CACNA2D1: variants seen among roughly 807,000 people sequenced by gnomAD.
CACNA2D1 encodes voltage-dependent calcium channel subunit alpha-2/delta-1.
In CACNA2D1, 53 loss-of-function variants were observed where a neutral mutation model predicts 171.5. The observed-to-expected ratio is 0.31, with a 90% CI of 0.25 to 0.39. CACNA2D1 has a LOEUF of 0.39. CACNA2D1 is among the 10% of genes least tolerant of loss of function. The probability of loss-of-function intolerance (pLI) is 1.00; values close to 1 mark genes in which losing one functional copy is unlikely to be tolerated. For missense variants in CACNA2D1, 903 were observed against 1,299.8 expected, an observed-to-expected ratio of 0.69 and a Z score of 4.69; for synonymous variants, 442 against 443.1, an observed-to-expected ratio of 1.00 and a Z score of 0.03.
At chr7:82,407,429 G>A (rs1055311800) in intron 1 of CACNA2D1, among the ~76,000 whole-genome samples, 7 of 152,068 alleles carry the variant, frequency 4.6e-5, no homozygotes, top group Non-Finnish European at 7.4e-5. Flanking sequence ...GACTACTACT[G>A]TTATTTATTA....
intron 6 of CACNA2D1, among the ~76,000 whole-genome samples, chr7:82,101,474 A>T (rs1812677265): frequency 6.6e-6 from 1 of 152,220 alleles, no homozygotes; most frequent in Non-Finnish European, 1.5e-5. Flanking sequence ...TGAAAATCTA[A>T]AAGTTCCAAA....
intron 12 of CACNA2D1, among the ~76,000 whole-genome samples, chr7:82,025,020 G>T (rs1043693326): frequency 6.6e-6 from 1 of 151,516 alleles, no homozygotes; most frequent in Non-Finnish European, 1.5e-5. Context: ...TTATGCTAGT[G>T]CCCTACTGTT....
chr7:81,972,272 TATAG>T (rs1399257454), intron 25 of CACNA2D1, among the ~76,000 whole-genome samples: 1 of 151,334 alleles, frequency 6.6e-6, no homozygotes, highest in Admixed American at 6.6e-5. Flanking sequence ...AATTTATATA[TATAG>T]AAACAGAACT....
chr7:82,051,664 C>A (rs1459696449), intron 10 of CACNA2D1, among the ~76,000 whole-genome samples: 1 of 152,142 alleles, frequency 6.6e-6, no homozygotes, highest in African/African-American at 2.4e-5. Context: ...ATATTGTCTG[C>A]AATCCATATA....
intron 13 of CACNA2D1, among the ~76,000 whole-genome samples, chr7:82,014,140 A>G (rs1238732210): frequency 6.6e-6 from 1 of 152,148 alleles, no homozygotes; most frequent in Non-Finnish European, 1.5e-5. Flanking sequence ...TATATCTGAT[A>G]TATATCATTC....
chr7:82,311,179 G>C (rs145869356), intron 3 of CACNA2D1, among the ~76,000 whole-genome samples: 30 of 152,064 alleles, frequency 2.0e-4, no homozygotes, highest in Non-Finnish European at 2.9e-5. Flanking sequence ...GTCATTTTAA[G>C]TCTTGTTGTC....
intron 4 of CACNA2D1, among the ~76,000 whole-genome samples, chr7:82,145,569 T>A (rs1038377775): frequency 7.1e-6 from 1 of 141,282 alleles, no homozygotes; most frequent in African/African-American, 2.6e-5. Context: ...ATATATAAAA[T>A]TTTTACATAT....
chr7:82,250,630 A>C (rs998777984), intron 3 of CACNA2D1, among the ~76,000 whole-genome samples: 1 of 152,170 alleles, frequency 6.6e-6, no homozygotes. Flanking sequence ...TAGCTCTCAA[A>C]TTTTAACAAA....
At chr7:82,170,896 A>G (rs922381304) in intron 3 of CACNA2D1, among the ~76,000 whole-genome samples, 1 of 152,072 alleles carries the variant, frequency 6.6e-6, no homozygotes, top group Non-Finnish European at 1.5e-5. Context: ...TCTTTCAATG[A>G]CTAATACTTC....
chr7:82,149,102 A>G (rs1793488986), intron 4 of CACNA2D1, among the ~76,000 whole-genome samples: 1 of 152,182 alleles, frequency 6.6e-6, no homozygotes, highest in Admixed American at 6.5e-5. Context: ...TACTCAGCAC[A>G]GCATAGTGTG....
At chr7:82,285,274 T>C (rs907063744) in intron 3 of CACNA2D1, among the ~76,000 whole-genome samples, 4 of 151,972 alleles carry the variant, frequency 2.6e-5, no homozygotes, top group African/African-American at 9.7e-5. Flanking sequence ...ATAAAACCTG[T>C]TTTGTGGTAA....
intron 3 of CACNA2D1, among the ~76,000 whole-genome samples, chr7:82,265,679 A>G (rs1807752733): frequency 6.6e-6 from 1 of 152,064 alleles, no homozygotes; most frequent in Admixed American, 6.5e-5. Flanking sequence ...CAGAAGTATT[A>G]TTTAGCTGTC....
intron 3 of CACNA2D1, among the ~76,000 whole-genome samples, chr7:82,186,977 C>A (rs1797851286): frequency 6.6e-6 from 1 of 152,178 alleles, no homozygotes; most frequent in Admixed American, 6.5e-5. Context: ...CCATAAGACT[C>A]ATTAGTATTC....
At chr7:82,112,940 AT>A (rs1394602793) in intron 6 of CACNA2D1, among the ~76,000 whole-genome samples, 1 of 152,228 alleles carries the variant, frequency 6.6e-6, no homozygotes, top group East Asian at 1.9e-4. Context: ...AATTACAAAA[AT>A]CAAGCACTTT....
intron 30 of CACNA2D1, 64 bp downstream of exon 30, chr7:81,967,531 TA>T (rs1794838621): frequency 8.2e-6 from 7 of 855,668 alleles, no homozygotes; most frequent in South Asian, 4.4e-5. Flanking sequence ...AAGGACCTTA[TA>T]TTTTTTTCTA....
intron 34 of CACNA2D1, among the ~76,000 whole-genome samples, chr7:81,962,792 C>G (rs1584195503): frequency 6.6e-6 from 1 of 152,002 alleles, no homozygotes; most frequent in South Asian, 2.1e-4. Flanking sequence ...GGGAGAATGT[C>G]TGTTTCAGCG....
At chr7:82,328,695 C>CTCAAAAT (rs1816934552) in intron 3 of CACNA2D1, among the ~76,000 whole-genome samples, 2 of 152,086 alleles carry the variant, frequency 1.3e-5, no homozygotes, top group Admixed American at 6.6e-5. Context: ...ATATGTCCTC[C>CTCAAAAT]AGTCTCAAAA....
intron 3 of CACNA2D1, among the ~76,000 whole-genome samples, chr7:82,192,509 T>A (rs7802929): frequency 0.65 from 82,821 of 126,652 alleles, 26,005 homozygotes; most frequent in East Asian, 0.75. Flanking sequence ...TGTGTGTGTG[T>A]GAATATAGAG....
chr7:82,045,732 T>A (rs1804477340), intron 10 of CACNA2D1, among the ~76,000 whole-genome samples: 1 of 152,202 alleles, frequency 6.6e-6, no homozygotes, highest in African/African-American at 2.4e-5. Context: ...GTATTGAGAA[T>A]CACCTGCGTG....
Sources: gnomAD v4.1 joint callset for allele counts (sites outside exome capture counted in the v4.1 genomes callset) on GRCh38, gnomAD v4.1.1 for gene constraint, MANE v1.5 for transcripts, NCBI Gene and HGNC (gene_info 2026-07-23, HGNC 2026-07-21) for gene names.